Variants in PPFIA2 observed in about 807,000 individuals in gnomAD.
PPFIA2 encodes the protein liprin-alpha-2.
Under a neutral mutation model 175.5 loss-of-function variants are expected in PPFIA2, and 46 were observed. The observed-to-expected ratio is 0.26, with a 90% CI of 0.21 to 0.34. The LOEUF (loss-of-function observed/expected upper bound fraction) is 0.34. PPFIA2 is among the 10% of genes least tolerant of loss of function. The pLI is 1.00. For missense variants in PPFIA2, 1,179 were observed against 1,506.1 expected (o/e 0.78, Z 3.60); for synonymous variants, 568 against 511.4 (o/e 1.11, Z -1.49).
intron 4 of PPFIA2, among the ~76,000 whole-genome samples, chr12:81,661,765 C>T (rs1000518194): frequency 2.6e-5 from 4 of 152,136 alleles, no homozygotes; most frequent in African/African-American, 7.2e-5. Flanking sequence ...AGCACCACAC[C>T]GCACTTGTTC....
intron 4 of PPFIA2, among the ~76,000 whole-genome samples, chr12:81,479,648 T>C (rs1262008903): frequency 2.0e-5 from 3 of 152,206 alleles, no homozygotes; most frequent in African/African-American, 4.8e-5. Flanking sequence ...AGCATTTGCT[T>C]GTCTGTAAAG....
At chr12:81,321,488 T>C (rs2139616666) in intron 22 of PPFIA2, among the ~76,000 whole-genome samples, 1 of 152,294 alleles carries the variant, frequency 6.6e-6, no homozygotes, top group South Asian at 2.1e-4. Flanking sequence ...GTAACAAATT[T>C]ATCAAATTAT....
intron 4 of PPFIA2, among the ~76,000 whole-genome samples, chr12:81,637,624 T>G (rs1316102401): frequency 6.6e-6 from 1 of 152,108 alleles, no homozygotes; most frequent in Non-Finnish European, 1.5e-5. Flanking sequence ...CTATGAGCCT[T>G]CTAAGGGTAG....
intron 3 of PPFIA2, among the ~76,000 whole-genome samples, chr12:81,712,728 ATT>A (rs568877711): frequency 6.9e-6 from 1 of 145,622 alleles, no homozygotes; most frequent in African/African-American, 2.5e-5. Flanking sequence ...ACATAAAAGG[ATT>A]TTTTTTTTTA....
At chr12:81,636,522 C>T (rs544289964) in intron 4 of PPFIA2, among the ~76,000 whole-genome samples, 12 of 151,538 alleles carry the variant, frequency 7.9e-5, no homozygotes, top group Middle Eastern at 3.4e-3. Flanking sequence ...GCCTCGGCCT[C>T]CCAAAGTGCT....
At chr12:81,331,932 G>A (rs1460749171) in intron 21 of PPFIA2, among the ~76,000 whole-genome samples, 5 of 152,108 alleles carry the variant, frequency 3.3e-5, no homozygotes, top group Non-Finnish European at 7.3e-5. Flanking sequence ...TATTAGTAGA[G>A]CTCTGTGAAG....
intron 9 of PPFIA2, among the ~76,000 whole-genome samples, chr12:81,382,882 G>A (rs2038048928): frequency 6.6e-6 from 1 of 152,066 alleles, no homozygotes; most frequent in Non-Finnish European, 1.5e-5. Flanking sequence ...ATTCACCAGG[G>A]AAATAAAGGT....
intron 22 of PPFIA2, among the ~76,000 whole-genome samples, chr12:81,319,950 C>G (rs978642543): frequency 6.6e-6 from 1 of 151,910 alleles, no homozygotes; most frequent in Non-Finnish European, 1.5e-5. Flanking sequence ...GGGGGAAGCA[C>G]AGACTTTTAC....
chr12:81,335,744 A>AAACAAC (rs142716386), intron 21 of PPFIA2, among the ~76,000 whole-genome samples: 1,789 of 149,490 alleles, frequency 0.012, 19 homozygotes, highest in East Asian at 0.043. Context: ...TTCTGTCTAA[A>AAACAAC]AACAACAACA....
chr12:81,648,939 A>G (rs1341072801), intron 4 of PPFIA2, among the ~76,000 whole-genome samples: 1 of 152,024 alleles, frequency 6.6e-6, no homozygotes, highest in African/African-American at 2.4e-5. Flanking sequence ...GCCATATGAG[A>G]AAAAATATTT....
intron 4 of PPFIA2, among the ~76,000 whole-genome samples, chr12:81,463,557 C>T (rs1310925194): frequency 6.6e-6 from 1 of 152,116 alleles, no homozygotes; most frequent in Non-Finnish European, 1.5e-5. Context: ...CACAGTGCCA[C>T]AACAGTACCC....
At chr12:81,316,124 T>C (rs1296663966) in intron 22 of PPFIA2, among the ~76,000 whole-genome samples, 10 of 151,654 alleles carry the variant, frequency 6.6e-5, no homozygotes, top group Admixed American at 1.3e-4. Context: ...CACACACACA[T>C]ATATATGTAT....
At chr12:81,359,030 T>C (rs2141122252) in intron 15 of PPFIA2, among the ~76,000 whole-genome samples, 1 of 152,190 alleles carries the variant, frequency 6.6e-6, no homozygotes, top group South Asian at 2.1e-4. Context: ...ATATTACTTA[T>C]ATGTAGATTT....
intron 4 of PPFIA2, among the ~76,000 whole-genome samples, chr12:81,466,540 C>T (rs1397652572): frequency 1.3e-5 from 2 of 152,122 alleles, no homozygotes; most frequent in East Asian, 3.9e-4. Context: ...TGAAACGTAC[C>T]TATCTTATAT....
intron 6 of PPFIA2, among the ~76,000 whole-genome samples, chr12:81,443,902 T>A (rs935760052): frequency 1.5e-5 from 2 of 130,296 alleles, no homozygotes; most frequent in Non-Finnish European, 3.1e-5. Context: ...TCACCCAGGC[T>A]GGAGTGCAGT....
intron 4 of PPFIA2, among the ~76,000 whole-genome samples, chr12:81,498,827 G>T (rs2060291942): frequency 6.6e-6 from 1 of 152,076 alleles, no homozygotes; most frequent in Non-Finnish European, 1.5e-5. Flanking sequence ...GTTTCACTAT[G>T]TTGGCCAGGC....
intron 4 of PPFIA2, among the ~76,000 whole-genome samples, chr12:81,635,467 G>A (rs2063879121): frequency 1.3e-5 from 2 of 152,148 alleles, no homozygotes; most frequent in Non-Finnish European, 2.9e-5. Context: ...CAGTAGTGAT[G>A]GCTTACCCTT....
In PPFIA2 at chr12:81,352,391, G is replaced by A. The variant is rs547487615; in HGVS notation, c.1994+728C>T. ...TGGGGGGCAGACAGAGAGAGAGAGA[G>A]AGAGAGAGGCTTAATTCTATAGAAT... On this transcript the variant is annotated intron_variant, in intron 17 of 32. Coordinates refer to ENST00000549396, the MANE Select transcript of PPFIA2 (RefSeq NM_003625.5). Among the ~76,000 whole-genome samples the A allele has an allele frequency of 2.0e-3, 299 of 151,580 alleles. 1 individual carries two copies. The highest frequency in any genetic ancestry group is 7.0e-3 in the African/African-American group (290 of 41,348).
At chr12:81,417,724 T>C (rs538524171) in intron 7 of PPFIA2, among the ~76,000 whole-genome samples, 78 of 151,790 alleles carry the variant, frequency 5.1e-4, no homozygotes, top group Non-Finnish European at 9.7e-4. Flanking sequence ...TATGTGATTT[T>C]TAAATGTGCA....
Sources: gnomAD v4.1 joint callset for allele counts (sites outside exome capture counted in the v4.1 genomes callset) on GRCh38, gnomAD v4.1.1 for gene constraint, MANE v1.5 for transcripts, NCBI Gene and HGNC (gene_info 2026-07-23, HGNC 2026-07-21) for gene names.